Variants in SND1 observed in about 807,000 individuals in gnomAD.
SND1 encodes staphylococcal nuclease and tudor domain containing 1.
In SND1, 38 loss-of-function variants were observed where a neutral mutation model predicts 121.7. The observed-to-expected ratio is 0.31, with a 90% confidence interval of 0.24 to 0.41. SND1 has a LOEUF of 0.41. Among genes scored for constraint, SND1 ranks in the 10% least tolerant of loss-of-function variants. The pLI is 1.00. For synonymous variants in SND1, 401 were observed against 447.4 expected (o/e 0.90, Z 1.31); for missense variants, 868 against 1,184.6 (o/e 0.73, Z 3.92).
intron 12 of SND1, among the ~76,000 whole-genome samples, chr7:127,877,872 T>C (rs753015110): frequency 6.6e-6 from 1 of 152,132 alleles, no homozygotes; most frequent in Admixed American, 6.6e-5. Context: ...AAGCTGCTTA[T>C]TAATAATGAA....
intron 12 of SND1, among the ~76,000 whole-genome samples, chr7:127,861,352 T>A (rs1799374692): frequency 6.6e-6 from 1 of 152,238 alleles, no homozygotes; most frequent in Non-Finnish European, 1.5e-5. Context: ...ATCCTTTGAA[T>A]TGGGACTATT....
intron 10 of SND1, among the ~76,000 whole-genome samples, chr7:127,778,178 C>CTTATTTATTTATTTAT (rs143038031): frequency 0.051 from 7,429 of 146,832 alleles, 630 homozygotes; most frequent in African/African-American, 0.17. Context: ...TTATTTGTGT[C>CTTATTTATTTATTTAT]TTATTTATTT....
At chr7:127,854,494 G>A (rs1799231182) in intron 12 of SND1, among the ~76,000 whole-genome samples, 1 of 151,836 alleles carries the variant, frequency 6.6e-6, no homozygotes, top group Admixed American at 6.6e-5. Flanking sequence ...GATGGTGTTT[G>A]GACATAAGTT....
intron 9 of SND1, chr7:127,718,640 T>A (rs1796433434): frequency 2.0e-6 from 2 of 985,304 alleles, no homozygotes; most frequent in Non-Finnish European, 2.4e-6. Flanking sequence ...GGCCTAAAAT[T>A]TACAGCTCTA....
At chr7:127,784,817 G>C (rs1797782762) in intron 10 of SND1, among the ~76,000 whole-genome samples, 1 of 152,222 alleles carries the variant, frequency 6.6e-6, no homozygotes, top group African/African-American at 2.4e-5. Context: ...GAAGAGAATA[G>C]TTTTTAGAGA....
chr7:127,768,133 C>A (rs1797452605), intron 10 of SND1, among the ~76,000 whole-genome samples: 1 of 152,108 alleles, frequency 6.6e-6, no homozygotes, highest in Non-Finnish European at 1.5e-5. Flanking sequence ...GGTGAGCTGC[C>A]ATGGTTATCT....
chr7:127,960,292 T>C (rs528778061), intron 15 of SND1, among the ~76,000 whole-genome samples: 1 of 152,346 alleles, frequency 6.6e-6, no homozygotes, highest in Admixed American at 6.5e-5. Flanking sequence ...GTGCATCGTG[T>C]GGGACTACCC....
chr7:127,789,426 A>G (rs1184638369), intron 10 of SND1, among the ~76,000 whole-genome samples: 1 of 152,222 alleles, frequency 6.6e-6, no homozygotes, highest in Non-Finnish European at 1.5e-5. Flanking sequence ...CTGAGTTCAT[A>G]ATTAATGTGA....
At chr7:127,914,315 C>T (rs950348718) in intron 14 of SND1, among the ~76,000 whole-genome samples, 2 of 152,148 alleles carry the variant, frequency 1.3e-5, no homozygotes, top group African/African-American at 2.4e-5. Flanking sequence ...TTTGTTGAAT[C>T]ACATTTCTTC....
chr7:127,805,793 A>T (rs1163036293), intron 10 of SND1, among the ~76,000 whole-genome samples: 1 of 152,238 alleles, frequency 6.6e-6, no homozygotes, highest in Admixed American at 6.5e-5. Flanking sequence ...TGTCAGGTGC[A>T]TAATAGGTGG....
intron 11 of SND1, among the ~76,000 whole-genome samples, chr7:127,814,593 A>T (rs151058638): frequency 1.3e-3 from 193 of 152,024 alleles, no homozygotes; most frequent in Non-Finnish European, 2.4e-3. Flanking sequence ...ACAAGGATCT[A>T]TGTAGGGATA....
intron 11 of SND1, among the ~76,000 whole-genome samples, chr7:127,832,369 G>A (rs1031988576): frequency 1.3e-5 from 2 of 152,130 alleles, no homozygotes; most frequent in Non-Finnish European, 2.9e-5. Flanking sequence ...TTAGACTCCT[G>A]CCAACAGTGA....
At chr7:127,720,891 C>T (rs772384659) in intron 9 of SND1, among the ~76,000 whole-genome samples, 1 of 152,090 alleles carries the variant, frequency 6.6e-6, no homozygotes, top group Non-Finnish European at 1.5e-5. Flanking sequence ...TCTTCAAATC[C>T]AACCCTTGCC....
intron 2 of SND1, 68 bp downstream of exon 2, chr7:127,686,830 A>T: frequency 1.3e-6 from 2 of 1,520,260 alleles, no homozygotes; most frequent in Non-Finnish European, 1.8e-6. Flanking sequence ...TCTGTCGCTG[A>T]TGCCATTTTG....
At chr7:127,775,631 T>C (rs1320717987) in intron 10 of SND1, among the ~76,000 whole-genome samples, 1 of 152,082 alleles carries the variant, frequency 6.6e-6, no homozygotes, top group Non-Finnish European at 1.5e-5. Flanking sequence ...AAAACATTTC[T>C]CTACCCTATC....
chr7:127,766,921 C>T (rs1005680477), intron 10 of SND1, among the ~76,000 whole-genome samples: 1 of 151,656 alleles, frequency 6.6e-6, no homozygotes, highest in Non-Finnish European at 1.5e-5. Flanking sequence ...TTCCTCCAGG[C>T]TCTGGTGCCT....
intron 12 of SND1, among the ~76,000 whole-genome samples, chr7:127,882,420 G>GGGGAGGA (rs1799809909): frequency 8.4e-6 from 1 of 118,540 alleles, no homozygotes; most frequent in Non-Finnish European, 1.8e-5. Context: ...GGAGAAAAGA[G>GGGGAGGA]GAGAGGAGGG....
At chr7:127,849,066 A>G (rs1799119391) in intron 12 of SND1, among the ~76,000 whole-genome samples, 1 of 152,220 alleles carries the variant, frequency 6.6e-6, no homozygotes, top group Non-Finnish European at 1.5e-5. Context: ...TAAAAAATAA[A>G]AAGATCAAAC....
intron 11 of SND1, among the ~76,000 whole-genome samples, chr7:127,819,318 C>T (rs1352192373): frequency 6.6e-6 from 1 of 152,162 alleles, no homozygotes; most frequent in Non-Finnish European, 1.5e-5. Context: ...TGTATCATCA[C>T]ATTCTTACAC....
Sources: allele counts gnomAD v4.1 joint callset (sites outside exome capture counted in the v4.1 genomes callset), GRCh38; gene constraint gnomAD v4.1.1; transcripts MANE v1.5; gene names NCBI Gene and HGNC (gene_info 2026-07-23, HGNC 2026-07-21).